Variants in RIC1 observed in about 807,000 individuals in gnomAD.
RIC1 encodes the protein guanine nucleotide exchange factor subunit RIC1.
In RIC1, 88 loss-of-function variants were observed where a neutral mutation model predicts 169.0. The observed-to-expected ratio is 0.52, with a 90% CI of 0.44 to 0.62. RIC1 has a LOEUF of 0.62. Ranked by LOEUF, RIC1 falls within the 20% of genes least tolerant of loss-of-function variation. The probability of loss-of-function intolerance (pLI) is 0.00; values close to 1 mark genes in which losing one functional copy is unlikely to be tolerated. For missense variants in RIC1, 1,877 were observed against 1,725.5 expected, an observed-to-expected ratio of 1.09 and a Z score of -1.56; for synonymous variants, 790 against 601.5, an observed-to-expected ratio of 1.31 and a Z score of -4.59.
In RIC1 at chr9:5,656,708, C is replaced by G; in HGVS notation, c.252+18C>G. The stretch of plus-strand genomic sequence containing the variant: ...CTGTATCAGTAAGTAGATTTTACCG[C>G]TAAATAGTGTTTTCTTATGAAATCA... On this transcript the variant is annotated intron_variant, in intron 2 of 25. Coordinates refer to ENST00000414202, the MANE Select transcript of RIC1 (RefSeq NM_020829.4). 2.2e-6 allele frequency: 3 copies of G among 1,349,712 alleles called. No homozygotes were observed. Among genetic ancestry groups the G allele is most frequent in the Non-Finnish European group, 3.1e-6 (3 of 955,426 alleles). 83.6% of individuals were successfully genotyped at this position (1,349,712 alleles called of 1,614,324 possible).
chr9:5,773,837 T>C lies in RIC1; in HGVS notation c.3984-121T>C, dbSNP rs1827401076. On this transcript the variant is annotated intron_variant, in intron 25 of 25. Transcript: ENST00000414202. ...TCCTCCCTACCTTCTTTGCCTCCTC[T>C]CTCCCCTCCTAATCTATCGTCGTCT... The C allele has an allele frequency of 4.3e-6, 4 of 924,248 alleles. No individual in the cohort carries two copies. In the South Asian group the frequency reaches 8.1e-5, roughly 19 times the overall value. The allele number at this position is 924,248 out of a possible 1,614,324, so 57.3% of individuals were successfully genotyped here.
At chr9:5,757,916 A>G (rs554476686) in intron 17 of RIC1, among the ~76,000 whole-genome samples, 19 of 152,346 alleles carry the variant, frequency 1.2e-4, no homozygotes, top group African/African-American at 4.6e-4. Flanking sequence ...GAAAGAGGAT[A>G]TGAGTCTTGT....
At chr9:5,685,512 A>T (rs888414098) in intron 2 of RIC1, among the ~76,000 whole-genome samples, 5 of 149,600 alleles carry the variant, frequency 3.3e-5, no homozygotes, top group Non-Finnish European at 7.5e-5. Flanking sequence ...CCTGAGAAAA[A>T]CAAGCAATGG....
At chr9:5,740,884 T>A (rs116770829) in intron 8 of RIC1, among the ~76,000 whole-genome samples, 4,252 of 152,240 alleles carry the variant, frequency 0.028, 192 homozygotes, top group African/African-American at 0.093. Context: ...GATATTTAAC[T>A]ATTCATGTTG....
intron 3 of RIC1, among the ~76,000 whole-genome samples, chr9:5,712,158 T>G (rs897948992): frequency 2.0e-5 from 3 of 152,208 alleles, no homozygotes; most frequent in Non-Finnish European, 4.4e-5. Context: ...CACACTGTCT[T>G]CCACAATAGT....
intron 1 of RIC1, among the ~76,000 whole-genome samples, 156 bp from the exon 2 acceptor site, chr9:5,656,427 A>G (rs1041897687): frequency 6.6e-6 from 1 of 152,150 alleles, no homozygotes; most frequent in Admixed American, 6.5e-5. Context: ...TTTGGTTGAT[A>G]TGCTTGCAAT....
intron 1 of RIC1, among the ~76,000 whole-genome samples, chr9:5,655,239 C>T (rs540185062): frequency 2.6e-5 from 4 of 152,146 alleles, no homozygotes; most frequent in South Asian, 2.1e-4. Flanking sequence ...TTTCTATTCC[C>T]GAGAGGTTTT....
At chr9:5,701,373 G>T (rs1187133774) in intron 3 of RIC1, among the ~76,000 whole-genome samples, 3 of 152,088 alleles carry the variant, frequency 2.0e-5, no homozygotes, top group Non-Finnish European at 2.9e-5. Flanking sequence ...CACTTTGGGA[G>T]GCCCAAGGCG....
At position 5,746,208 on chromosome 9, in the gene RIC1, G is replaced by A. The variant is rs142110286; in HGVS notation, c.1248+125G>A. On this transcript the variant is annotated intron_variant, in intron 11 of 25. Transcript: ENST00000414202. ...TATTATCTTCTTTTCTATGATTCTT[G>A]TGTTTCTTTTTAATTTATATTAAAT... 7.4e-4 allele frequency: 422 copies of A among 571,564 alleles called. 1 individual carries two copies. In the Middle Eastern group the frequency reaches 9.1e-3, roughly 12 times the overall value. The allele number at this position is 571,564 out of a possible 1,614,324, so 35.4% of individuals were successfully genotyped here.
chr9:5,651,835 T>C (rs1319977790), intron 1 of RIC1, among the ~76,000 whole-genome samples: 1 of 152,188 alleles, frequency 6.6e-6, no homozygotes, highest in African/African-American at 2.4e-5. Context: ...CCCAAAGTGC[T>C]GGGATTACAG....
chr9:5,656,261 G>C (rs1016262615), intron 1 of RIC1, among the ~76,000 whole-genome samples: 11 of 152,168 alleles, frequency 7.2e-5, no homozygotes, highest in Admixed American at 3.9e-4. Flanking sequence ...CTTCTATCTT[G>C]TGGAAGGCTT....
chr9:5,734,646 A>T (rs1824585708), intron 7 of RIC1, among the ~76,000 whole-genome samples: 1 of 152,206 alleles, frequency 6.6e-6, no homozygotes, highest in Admixed American at 6.5e-5. Flanking sequence ...TCACAACTGG[A>T]TCAGTAAATA....
intron 2 of RIC1, among the ~76,000 whole-genome samples, chr9:5,670,692 G>C (rs1044859357): frequency 6.6e-6 from 1 of 152,142 alleles, no homozygotes; most frequent in African/African-American, 2.4e-5. Context: ...CAACAGTTTC[G>C]TTTTGCCTGC....
rs1375130070 is a variant in RIC1 at position 5,774,821 on chromosome 9, G to A, written c.*575G>A. 6.6e-6 allele frequency: 1 copy of A among 152,258 alleles called. No homozygotes were observed. Among genetic ancestry groups the A allele is most frequent in the African/African-American group, 2.4e-5 (1 of 41,452 alleles). 9.4% of individuals were successfully genotyped at this position (152,258 alleles called of 1,614,324 possible). On this transcript the variant is annotated 3_prime_UTR_variant, in exon 26 of 26. Transcript: ENST00000414202. ...GTCAAATCCCAGTCCAGAATTGATG[G>A]AAGCTATTTACCTGTGAGTTAATGT...
At chr9:5,724,453 T>C (rs1203096053) in intron 6 of RIC1, among the ~76,000 whole-genome samples, 1 of 152,184 alleles carries the variant, frequency 6.6e-6, no homozygotes, top group Non-Finnish European at 1.5e-5. Context: ...CTTAAGGAGA[T>C]TTTGCGCTGA....
chr9:5,716,357 C>T (rs1335963834), intron 4 of RIC1, among the ~76,000 whole-genome samples: 1 of 152,074 alleles, frequency 6.6e-6, no homozygotes, highest in African/African-American at 2.4e-5. Context: ...CCTATAATCC[C>T]AGCACTTTGG....
intron 3 of RIC1, among the ~76,000 whole-genome samples, chr9:5,704,342 C>T (rs1822426220): frequency 6.6e-6 from 1 of 151,964 alleles, no homozygotes; most frequent in Non-Finnish European, 1.5e-5. Flanking sequence ...ACCAGAGTAG[C>T]TGGGACTACA....
intron 4 of RIC1, among the ~76,000 whole-genome samples, chr9:5,714,834 G>A (rs1170334161): frequency 6.6e-6 from 1 of 152,120 alleles, no homozygotes; most frequent in Non-Finnish European, 1.5e-5. Context: ...AGGTTTGGGG[G>A]AAAAGCTTTT....
chr9:5,763,726 C>T lies in RIC1; in HGVS notation c.2699C>T (p.Thr900Ile). Residue 900 changes from threonine to isoleucine, a missense_variant, in exon 19 of 26, where the codon ACA (threonine) becomes ATA (isoleucine). Thr to Ile is a moderately conservative substitution (Grantham distance 89, BLOSUM62 -1). Coordinates refer to ENST00000414202, the MANE Select transcript of RIC1 (RefSeq NM_020829.4). This position sits in a 1 kb window ranked among gnomAD's most constrained non-coding sequence, Gnocchi z 5.2. ...ACTGAGTTCCCCCTCTTCCTGCAGACAGTTGTCCATTGTGCCAGGAAGACC... is the reference window on the plus strand; with the variant it reads ...ACTGAGTTCCCCCTCTTCCTGCAGATAGTTGTCCATTGTGCCAGGAAGACC... Reference protein sequence around the residue: ...FITEFPLFLQTVVHCARKTEY... With the variant: ...FITEFPLFLQIVVHCARKTEY... 1 of 1,614,228 alleles carries T rather than the reference C, an allele frequency of 6.2e-7. No homozygotes were observed. The highest frequency in any genetic ancestry group is 8.5e-7 in the Non-Finnish European group (1 of 1,180,040).
Sources: gnomAD v4.1 joint callset for allele counts (sites outside exome capture counted in the v4.1 genomes callset) on GRCh38, gnomAD v4.1.1 for gene constraint, Gnocchi (gnomAD v3.1) non-coding constraint, MANE v1.5 for transcripts, NCBI Gene and HGNC (gene_info 2026-07-23, HGNC 2026-07-21) for gene names.